The following ASIC2 variants were observed in gnomAD, a reference collection of about 807,000 sequenced individuals.
ASIC2 encodes the protein acid sensing ion channel subunit 2, also known as acid-sensing ion channel 2.
In ASIC2, 25 loss-of-function variants were observed where a neutral mutation model predicts 57.3. The observed-to-expected ratio is 0.44, with a 90% confidence interval of 0.32 to 0.61. The LOEUF is 0.61. ASIC2 is among the 20% of genes least tolerant of loss of function. The pLI is 0.06. For missense variants in ASIC2, 641 were observed against 738.1 expected (o/e 0.87, Z 1.52); for synonymous variants, 319 against 307.5 (o/e 1.04, Z -0.39).
chr17:34,059,790 C>T (rs1266886923), intron 1 of ASIC2, among the ~76,000 whole-genome samples: 1 of 152,162 alleles, frequency 6.6e-6, no homozygotes, highest in Non-Finnish European at 1.5e-5. Context: ...GTACACAACT[C>T]CAGTGACCTG....
At chr17:34,028,382 CAA>C (rs1907457103) in intron 1 of ASIC2, among the ~76,000 whole-genome samples, 2 of 152,164 alleles carry the variant, frequency 1.3e-5, no homozygotes, top group Non-Finnish European at 2.9e-5. Flanking sequence ...TGCTTTTAGA[CAA>C]ACACTTTGAG....
chr17:33,949,119 A>G (rs1056546723), intron 1 of ASIC2, among the ~76,000 whole-genome samples: 1 of 152,210 alleles, frequency 6.6e-6, no homozygotes, highest in African/African-American at 2.4e-5. Flanking sequence ...TTAAAAATGT[A>G]AAGACCAGTG....
chr17:33,287,421 G>A (rs1218219674), intron 1 of ASIC2, among the ~76,000 whole-genome samples: 2 of 152,192 alleles, frequency 1.3e-5, no homozygotes, highest in East Asian at 3.9e-4. Context: ...CAAAGCCCCA[G>A]TGCTCAGATA....
At chr17:33,386,022 C>T (rs774654604) in intron 1 of ASIC2, among the ~76,000 whole-genome samples, 36 of 152,196 alleles carry the variant, frequency 2.4e-4, no homozygotes, top group Non-Finnish European at 5.0e-4. Context: ...TGTTACTATA[C>T]ACATAACGTG....
chr17:33,456,500 C>T (rs1328451513), intron 1 of ASIC2, among the ~76,000 whole-genome samples: 1 of 152,170 alleles, frequency 6.6e-6, no homozygotes, highest in African/African-American at 2.4e-5. Context: ...AAGGCTGCAC[C>T]AGCTACTGGG....
In ASIC2 at chr17:33,291,830, A is replaced by C; in HGVS notation, c.286T>G (p.Ser96Ala). 2 of 1,611,854 alleles carry C rather than the reference A, an allele frequency of 1.2e-6. No homozygotes were observed. Among genetic ancestry groups the C allele is most frequent in the South Asian group, 1.1e-5 (1 of 91,060 alleles). ...GACCAGGACAGCAGCAAGCCGAAGGATGTACAGAAGGCCAGCACCCACAGC... is the reference window on the plus strand; with the variant it reads ...GACCAGGACAGCAGCAAGCCGAAGGCTGTACAGAAGGCCAGCACCCACAGC... ...RALWVLAFCT[S>A]FGLLLSWSSN... Residue 96 changes from serine to alanine, a missense_variant, in exon 1 of 10, where the codon TCC becomes GCC. Ser to Ala is a moderately conservative substitution (Grantham distance 99). Transcript: ENST00000225823.
intron 1 of ASIC2, among the ~76,000 whole-genome samples, chr17:33,474,224 G>A (rs1404153677): frequency 2.6e-5 from 4 of 152,084 alleles, no homozygotes; most frequent in South Asian, 2.1e-4. Context: ...AAAATTAGCC[G>A]GGTGTGGTGG....
chr17:33,750,442 C>T (rs577831884), intron 1 of ASIC2, among the ~76,000 whole-genome samples: 4 of 152,252 alleles, frequency 2.6e-5, no homozygotes, highest in African/African-American at 9.6e-5. Flanking sequence ...ACTCAGGAGG[C>T]CCTGGAGCCT....
At chr17:33,901,417 T>C (rs1317013825) in intron 1 of ASIC2, among the ~76,000 whole-genome samples, 1 of 152,096 alleles carries the variant, frequency 6.6e-6, no homozygotes, top group Non-Finnish European at 1.5e-5. Flanking sequence ...TGAGCGGGGC[T>C]CAGGTTAGGT....
chr17:34,059,645 TG>T (rs1401114827), intron 1 of ASIC2, among the ~76,000 whole-genome samples: 1 of 152,152 alleles, frequency 6.6e-6, no homozygotes, highest in Non-Finnish European at 1.5e-5. Context: ...TTGGTGCTGC[TG>T]TGGGAGGGGC....
At chr17:33,119,299 T>A (rs1351199142) in intron 1 of ASIC2, among the ~76,000 whole-genome samples, 1 of 152,248 alleles carries the variant, frequency 6.6e-6, no homozygotes, top group Non-Finnish European at 1.5e-5. Context: ...TTTTTTCTCT[T>A]CCCTGAGTCA....
At chr17:33,582,597 A>G (rs1221611294) in intron 1 of ASIC2, among the ~76,000 whole-genome samples, 2 of 152,218 alleles carry the variant, frequency 1.3e-5, no homozygotes, top group South Asian at 2.1e-4. Context: ...GGTTGTCACA[A>G]GGATTAACTA....
intron 1 of ASIC2, among the ~76,000 whole-genome samples, chr17:33,903,528 T>C (rs1209565682): frequency 6.6e-6 from 1 of 152,196 alleles, no homozygotes; most frequent in Non-Finnish European, 1.5e-5. Flanking sequence ...CTCTGACAAA[T>C]CCTAAAGAAA....
chr17:33,417,009 A>T (rs939849619), intron 1 of ASIC2, among the ~76,000 whole-genome samples: 1 of 152,112 alleles, frequency 6.6e-6, no homozygotes, highest in African/African-American at 2.4e-5. Context: ...CACTTTGTTA[A>T]AGAGAGGAAA....
chr17:33,916,487 T>C (rs1915588758), intron 1 of ASIC2, among the ~76,000 whole-genome samples: 2 of 152,168 alleles, frequency 1.3e-5, no homozygotes, highest in Non-Finnish European at 2.9e-5. Context: ...GACATCCCTA[T>C]TTGCTAGTCT....
intron 1 of ASIC2, among the ~76,000 whole-genome samples, chr17:33,332,382 G>A (rs1197284998): frequency 6.6e-6 from 1 of 152,118 alleles, no homozygotes; most frequent in Non-Finnish European, 1.5e-5. Flanking sequence ...ATTTCAACGT[G>A]TAATAAACAA....
chr17:34,095,491 C>T (rs569312073), intron 1 of ASIC2, among the ~76,000 whole-genome samples: 63 of 151,840 alleles, frequency 4.1e-4, no homozygotes, highest in Middle Eastern at 3.4e-3. Context: ...ACTGGCAATG[C>T]TGCATCTTTC....
intron 1 of ASIC2, among the ~76,000 whole-genome samples, chr17:33,974,620 C>A (rs1241894923): frequency 6.6e-6 from 1 of 151,180 alleles, no homozygotes; most frequent in Non-Finnish European, 1.5e-5. Context: ...ATCCATCCAT[C>A]CATCCATCCA....
intron 1 of ASIC2, among the ~76,000 whole-genome samples, chr17:33,882,004 T>C (rs1019335712): frequency 3.3e-5 from 5 of 152,166 alleles, no homozygotes; most frequent in Non-Finnish European, 5.9e-5. Flanking sequence ...AAACAAGAAA[T>C]GGGGAAAGGA....
Sources: gnomAD v4.1 joint callset for allele counts (sites outside exome capture counted in the v4.1 genomes callset) on GRCh38, gnomAD v4.1.1 for gene constraint, MANE v1.5 for transcripts, NCBI Gene and HGNC (gene_info 2026-07-23, HGNC 2026-07-21) for gene names.